The following IPO4 variants were observed in gnomAD, a reference collection of about 807,000 sequenced individuals.
IPO4 encodes importin 4, also known as importin-4.
IPO4 carries 91 observed loss-of-function variants against 133.5 expected under a neutral mutation model. The ratio of observed to expected loss-of-function variants is 0.68; its 90% CI spans 0.58 to 0.81. The LOEUF (loss-of-function observed/expected upper bound fraction) is 0.81. IPO4 is among the 30% of genes least tolerant of loss of function. The pLI is 0.00. For synonymous variants in IPO4, 607 were observed against 581.6 expected, an observed-to-expected ratio of 1.04 and a Z score of -0.63; for missense variants, 1,279 against 1,386.2, an observed-to-expected ratio of 0.92 and a Z score of 1.23.
rs780660470 is a variant in IPO4 at position 24,187,515 on chromosome 14, C to T, written c.473G>A (p.Arg158Gln). Residue 158 changes from arginine (R) to glutamine (Q), a missense_variant, in exon 6 of 30, where the codon CGG becomes CAG. Physicochemically the swap from Arg to Gln is conservative, Grantham distance 43. Around this residue, in one of 3 missense-constraint regions of IPO4, gnomAD observed 695 missense variants for 704.1 expected, o/e 0.99. Coordinates refer to ENST00000354464, the MANE Select transcript of IPO4 (RefSeq NM_024658.4). The stretch of plus-strand genomic sequence containing the variant: ...CTCATTCAGAAGCCGAAGAAGCTCC[C>T]GGTGGTGGGGTTGGAAGGCCTCGGG... ...SRPEAFQPHH[R>Q]ELLRLLNETL... 1.6e-5 allele frequency: 26 copies of T among 1,614,128 alleles called. No individual in the cohort carries two copies. Among genetic ancestry groups the T allele is most frequent in the South Asian group, 1.3e-4 (12 of 91,082 alleles).
intron 19 of IPO4, 24 bp downstream of exon 19, chr14:24,183,759 G>A: frequency 6.2e-7 from 1 of 1,614,154 alleles, no homozygotes; most frequent in Middle Eastern, 1.6e-4. Context: ...CTAGATTCCT[G>A]ATCAGAAGAG....
intron 19 of IPO4, 43 bp from the exon 20 acceptor site, chr14:24,183,710 G>A (rs377314242): frequency 3.1e-4 from 496 of 1,613,986 alleles, no homozygotes; most frequent in Non-Finnish European, 4.1e-4. Context: ...GCACCAAGAG[G>A]AGCAGATCCA....
Position 24,182,140 on chromosome 14 carries a change from C to T in IPO4, c.2622G>A (p.Glu874=). Residue 874 remains glutamate, a synonymous_variant, in exon 26 of 30, where the codon GAG becomes GAA. Coordinates refer to ENST00000354464, the MANE Select transcript of IPO4 (RefSeq NM_024658.4). ...CCAAGGTCCCCACTGCAAAGGACTT[C>T]TCTGCCACTGTGCAGCCCTGTTTCT... is the stretch of plus-strand genomic sequence containing the variant. The part of the protein sequence containing the change: ...CKTKQGCTVA[E]KSFAVGTLAE... 6.2e-7 allele frequency: 1 copy of T among 1,614,086 alleles called. No individual in the cohort carries two copies. The highest frequency in any genetic ancestry group is 1.1e-5 in the South Asian group (1 of 91,088).
chr14:24,187,866 TG>T lies in IPO4; in HGVS notation c.279-71del, dbSNP rs1157174173. 4.2e-5 allele frequency: 67 copies of T among 1,588,220 alleles called. No homozygotes were observed. The East Asian group carries it at 1.5e-3, about 36-fold the overall frequency. On this transcript the variant is annotated intron_variant, in intron 4 of 29. Coordinates refer to ENST00000354464, the MANE Select transcript of IPO4 (RefSeq NM_024658.4). ...CTCTGCACACAGTGGCCAGGCTCAA[TG>T]GGGCAGCCAGGACAGAAACTTTCAG...
intron 13 of IPO4, 26 bp from the exon 14 acceptor site, chr14:24,185,338 G>T: frequency 3.7e-6 from 6 of 1,613,914 alleles, no homozygotes; most frequent in Non-Finnish European, 4.2e-6. Context: ...AGCAGGGCCT[G>T]AGTCAGGTTC....
chr14:24,187,742 T>C lies in IPO4; in HGVS notation c.333A>G (p.Glu111=), dbSNP rs1460432949. ...AAAGCTGTGGCCAGGCCTCCAAGCC[T>C]TCCTTTCGAAAAATGGTGGCTGAGA... ...AQLSATIFRK[E]GLEAWPQLLQ... The change falls in exon 5 of 30, where the codon GAA becomes GAG. Residue 111 remains glutamate (E), a synonymous_variant. Transcript: ENST00000354464. The C allele has an allele frequency of 6.2e-7, 1 of 1,614,062 alleles. No individual in the cohort carries two copies. The highest frequency in any genetic ancestry group is 8.5e-7 in the Non-Finnish European group (1 of 1,180,034).
Position 24,188,054 on chromosome 14 carries a change from T to C in IPO4, c.278+162A>G, listed in dbSNP as rs1594444990. On this transcript the variant is annotated intron_variant, in intron 4 of 29. Transcript: ENST00000354464. ...TGGGTTTGGCAGATCATCATCACCC[T>C]TCCTCAAGAACTTTAGTCTTCAAAA... 1.2e-5 allele frequency: 10 copies of C among 826,440 alleles called. No individual in the cohort carries two copies. In the East Asian group the frequency reaches 2.7e-4, roughly 22 times the overall value. 51.2% of individuals were successfully genotyped at this position (826,440 alleles called of 1,614,324 possible).
At chr14:24,181,655 C>G (rs2039138032) in intron 27 of IPO4, 38 bp from the exon 28 acceptor site, 18 of 1,613,480 alleles carry the variant, frequency 1.1e-5, no homozygotes, top group Non-Finnish European at 1.5e-5. Flanking sequence ...CTGCCCTGCC[C>G]TCCACCACCC....
chr14:24,187,142 A>G lies in IPO4; in HGVS notation c.597T>C (p.Ala199=). ...PYLSTEDVPL[A]RMLVPKLIMA... The stretch of plus-strand genomic sequence containing the variant: ...TGATCAGCTTGGGCACCAACATCCG[A>G]GCGAGAGGCTGAGGGACACATCACA... The change falls in exon 7 of 30, where the codon GCT becomes GCC. Residue 199 remains alanine, a synonymous_variant. Transcript: ENST00000354464. The G allele has an allele frequency of 6.2e-7, 1 of 1,613,736 alleles. No individual in the cohort carries two copies. The highest frequency in any genetic ancestry group is 8.5e-7 in the Non-Finnish European group (1 of 1,179,742).
At position 24,182,930 on chromosome 14, in the gene IPO4, C is replaced by T. The variant is rs143998820; in HGVS notation, c.2421+46G>A. The T allele has an allele frequency of 1.0e-3, 1,653 of 1,613,100 alleles. 8 individuals are homozygous for T. The African/African-American group carries it at 0.016, about 16-fold the overall frequency. On this transcript the variant is annotated intron_variant, in intron 23 of 29. Coordinates refer to ENST00000354464, the MANE Select transcript of IPO4 (RefSeq NM_024658.4). ...GGTGGACTTGTAGCCAGTCCCCAAC[C>T]GAGGCCCAGCACCTCTCCTTCCCGA... is the stretch of plus-strand genomic sequence containing the variant.
chr14:24,187,342 G>C, intron 6 of IPO4, 58 bp downstream of exon 6: 3 of 1,582,052 alleles, frequency 1.9e-6, no homozygotes, highest in Non-Finnish European at 1.7e-6. Context: ...ACTTTTACGG[G>C]TGAGGACATG....
At chr14:24,186,239 C>A (rs2039220805) in intron 10 of IPO4, 48 bp downstream of exon 10, 1 of 1,607,042 alleles carries the variant, frequency 6.2e-7, no homozygotes, top group South Asian at 1.1e-5. Context: ...TCCCCAACGT[C>A]CCACAGCCAC....
chr14:24,184,606 C>T (rs2039191397), intron 16 of IPO4, 44 bp downstream of exon 16: 1 of 1,481,796 alleles, frequency 6.7e-7, no homozygotes, highest in Non-Finnish European at 9.1e-7. Context: ...GAGCACCAGC[C>T]CTTTGCTGGC....
intron 19 of IPO4, 49 bp from the exon 20 acceptor site, chr14:24,183,716 A>G: frequency 6.2e-7 from 1 of 1,614,168 alleles, no homozygotes; most frequent in Non-Finnish European, 8.5e-7. Context: ...AGAGGAGCAG[A>G]TCCAGCACTA....
chr14:24,183,510 C>A lies in IPO4; in HGVS notation c.2067G>T (p.Val689=), dbSNP rs769755108. 1 of 1,614,014 alleles carries A rather than the reference C, an allele frequency of 6.2e-7. No homozygotes were observed. Among genetic ancestry groups the A allele is most frequent in the African/African-American group, 1.3e-5 (1 of 75,044 alleles). The stretch of plus-strand genomic sequence containing the variant: ...CACTTTCCATGTATGGAAGGAAGGC[C>A]ACACTACAGAGAGAGACACAGCCGT... The part of the protein sequence containing the change: ...AVGEISVNTS[V]AFLPYMESVF... The change falls in exon 21 of 30, where the codon GTG becomes GTT. Residue 689 remains valine (V), a synonymous_variant. Transcript: ENST00000354464.
Position 24,182,072 on chromosome 14 carries a change from A to G in IPO4, c.2690T>C (p.Val897Ala). Residue 897 changes from valine (V) to alanine (A), a missense_variant, in exon 26 of 30, where the codon GTG becomes GCG. By Grantham distance (64) the Val-to-Ala change is moderately conservative. Around this residue, in one of 3 missense-constraint regions of IPO4, gnomAD observed 575 missense variants for 653.4 expected, o/e 0.88. Coordinates refer to ENST00000354464, the MANE Select transcript of IPO4 (RefSeq NM_024658.4). Reference protein sequence around the residue: ...QGLGAASAQFVSRLLPVLLST... With the variant: ...QGLGAASAQFASRLLPVLLST... Reference sequence around the variant, plus strand: ...CAACAGCACAGGGAGCAGCCGAGACACAAACTGGGCTGAGGCAGCACCCAG... The same window carrying G: ...CAACAGCACAGGGAGCAGCCGAGACGCAAACTGGGCTGAGGCAGCACCCAG... 1 of 1,614,008 alleles carries G rather than the reference A, an allele frequency of 6.2e-7. No individual in the cohort carries two copies. Among genetic ancestry groups the G allele is most frequent in the Non-Finnish European group, 8.5e-7 (1 of 1,180,032 alleles).
chr14:24,183,734 G>A (rs1458376717), intron 19 of IPO4, 49 bp downstream of exon 19: 1 of 1,614,176 alleles, frequency 6.2e-7, no homozygotes, highest in Non-Finnish European at 8.5e-7. Context: ...CTAGGCCCTT[G>A]TCTAAAGCCA....
intron 28 of IPO4, among the ~76,000 whole-genome samples, chr14:24,181,046 A>C (rs1317108284): frequency 6.6e-6 from 1 of 152,210 alleles, no homozygotes; most frequent in African/African-American, 2.4e-5. Context: ...CAGTCTCTAA[A>C]GGTATAAGAC....
rs201983202 is a variant in IPO4, at chr14:24,183,114, C to T, written c.2283G>A (p.Arg761=). Residue 761 remains arginine (R), a synonymous_variant, in exon 23 of 30, where the codon AGG becomes AGA. Transcript: ENST00000354464. ...VVPSYMQAVN[R]ERERQVVMAV... is the part of the protein sequence containing the mutation. The stretch of plus-strand genomic sequence containing the variant: ...CCATCACCACCTGGCGTTCCCGCTC[C>T]CTGTTCACTGCCTGCATGTAGGATG... 1.2e-6 allele frequency: 2 copies of T among 1,613,940 alleles called. No homozygotes were observed. Among genetic ancestry groups the T allele is most frequent in the Non-Finnish European group, 1.7e-6 (2 of 1,180,026 alleles).
Sources: gnomAD v4.1 joint callset for allele counts (sites outside exome capture counted in the v4.1 genomes callset) on GRCh38, gnomAD v4.1.1 for gene constraint, gnomAD v4.1.1 regional missense constraint, MANE v1.5 for transcripts, NCBI Gene and HGNC (gene_info 2026-07-23, HGNC 2026-07-21) for gene names.